The following PDE3A variants were observed in gnomAD, a reference collection of about 807,000 sequenced individuals.
The protein encoded by PDE3A is cGMP-inhibited 3',5'-cyclic phosphodiesterase 3A.
Under a neutral mutation model 98.3 loss-of-function variants are expected in PDE3A, and 43 were observed. That is an observed-to-expected ratio of 0.44 (90% CI 0.34 to 0.56). PDE3A has a LOEUF of 0.56. Among genes scored for constraint, PDE3A ranks in the 20% least tolerant of loss-of-function variants. The pLI, the probability that PDE3A is intolerant of heterozygous loss-of-function variation, is 0.01. For missense variants in PDE3A, 1,427 were observed against 1,440.7 expected (o/e 0.99, Z 0.15); for synonymous variants, 663 against 567.9 (o/e 1.17, Z -2.38).
In PDE3A at chr12:20,487,857, C is replaced by T. The variant is rs150619970; in HGVS notation, c.961-68803C>T. On this transcript the variant is annotated intron_variant, in intron 1 of 15. Transcript: ENST00000359062. ...AGAAATGCATGAGCTAGTCAGGGAACCTACTAATTTGTCATGTTTTTTCTT... is the reference window on the plus strand; with the variant it reads ...AGAAATGCATGAGCTAGTCAGGGAATCTACTAATTTGTCATGTTTTTTCTT... Among the ~76,000 whole-genome samples the T allele has an allele frequency of 2.3e-4, 35 of 151,984 alleles. 1 individual carries two copies. Among genetic ancestry groups the T allele is most frequent in the Admixed American group, 2.0e-3 (30 of 15,262 alleles).
At chr12:20,647,162 A>G (rs1944794292) in intron 12 of PDE3A, among the ~76,000 whole-genome samples, 1 of 152,300 alleles carries the variant, frequency 6.6e-6, no homozygotes, top group African/African-American at 2.4e-5. Flanking sequence ...ATCCATGGGA[A>G]TCATTTCTCA....
At chr12:20,603,475 A>C (rs1288697861) in intron 2 of PDE3A, among the ~76,000 whole-genome samples, 3 of 152,222 alleles carry the variant, frequency 2.0e-5, no homozygotes, top group African/African-American at 7.2e-5. Flanking sequence ...AGTATTTTGC[A>C]GTAGGGAGTA....
At chr12:20,601,603 G>A (rs1213608914) in intron 2 of PDE3A, among the ~76,000 whole-genome samples, 1 of 152,100 alleles carries the variant, frequency 6.6e-6, no homozygotes, top group Non-Finnish European at 1.5e-5. Flanking sequence ...TTTCTAATAT[G>A]TCTTATAAAA....
intron 1 of PDE3A, among the ~76,000 whole-genome samples, chr12:20,498,233 T>G (rs1355029636): frequency 2.0e-5 from 3 of 152,236 alleles, no homozygotes; most frequent in African/African-American, 7.2e-5. Context: ...TCTCATAGAT[T>G]GGTGGGCATT....
chr12:20,503,313 A>G (rs1403148143), intron 1 of PDE3A, among the ~76,000 whole-genome samples: 2 of 152,048 alleles, frequency 1.3e-5, no homozygotes, highest in African/African-American at 2.4e-5. Flanking sequence ...ATACTCATCA[A>G]TCTAGTGTTT....
chr12:20,615,594 G>T (rs1943984552), intron 3 of PDE3A, among the ~76,000 whole-genome samples: 1 of 152,074 alleles, frequency 6.6e-6, no homozygotes, highest in Admixed American at 6.6e-5. Context: ...TAACTAATAT[G>T]TGTGTATAGG....
chr12:20,488,552 G>T (rs1031552572), intron 1 of PDE3A, among the ~76,000 whole-genome samples: 6 of 152,002 alleles, frequency 3.9e-5, no homozygotes, highest in African/African-American at 1.2e-4. Context: ...ATTCGCAGCT[G>T]GTGCAATGGC....
intron 12 of PDE3A, among the ~76,000 whole-genome samples, chr12:20,648,190 G>A (rs1193124937): frequency 6.6e-6 from 1 of 151,432 alleles, no homozygotes; most frequent in Non-Finnish European, 1.5e-5. Context: ...TTTAATAGCT[G>A]TATGTGTTTA....
chr12:20,595,254 G>A (rs776594253), intron 2 of PDE3A, among the ~76,000 whole-genome samples: 1 of 151,974 alleles, frequency 6.6e-6, no homozygotes, highest in Non-Finnish European at 1.5e-5. Flanking sequence ...AATGGCTGCT[G>A]GCAGCAACAA....
At chr12:20,536,244 C>G (rs186284699) in intron 1 of PDE3A, among the ~76,000 whole-genome samples, 137 of 152,180 alleles carry the variant, frequency 9.0e-4, no homozygotes, top group Non-Finnish European at 7.7e-4. Context: ...ATTCCCTACT[C>G]TATTCCTCAA....
chr12:20,435,167 C>T (rs904816156), intron 1 of PDE3A, among the ~76,000 whole-genome samples: 7 of 152,176 alleles, frequency 4.6e-5, no homozygotes, highest in African/African-American at 1.7e-4. Context: ...ATTTCTCACT[C>T]TGTCATAGGG....
intron 1 of PDE3A, among the ~76,000 whole-genome samples, chr12:20,454,706 C>G (rs1454843194): frequency 6.6e-6 from 1 of 152,062 alleles, no homozygotes; most frequent in Non-Finnish European, 1.5e-5. Flanking sequence ...AGTTCCCACT[C>G]ATAAGTGAGA....
chr12:20,508,836 G>A (rs1467078451), intron 1 of PDE3A, among the ~76,000 whole-genome samples: 2 of 150,140 alleles, frequency 1.3e-5, no homozygotes, highest in Admixed American at 6.6e-5. Context: ...CTGGGTTTCT[G>A]GGTTTTTGAT....
At chr12:20,562,022 A>G (rs1391283968) in intron 2 of PDE3A, among the ~76,000 whole-genome samples, 2 of 152,150 alleles carry the variant, frequency 1.3e-5, no homozygotes, top group South Asian at 2.1e-4. Flanking sequence ...CAAATGTAGG[A>G]AAGATGCTAA....
rs1190991880 is a variant in PDE3A at position 20,621,323 on chromosome 12, G to A, written c.1452G>A (p.Met484Ile). The change falls in exon 5 of 16, where the codon ATG (methionine) becomes ATA (isoleucine). Residue 484 changes from methionine (M) to isoleucine (I), a missense_variant. Met to Ile is a conservative substitution (Grantham distance 10). Transcript: ENST00000359062. ...CTGATTCTTGGAATAATCCAGTGATGATGACCCTCACCAAAAGCAGATCCT... is the reference window on the plus strand; with the variant it reads ...CTGATTCTTGGAATAATCCAGTGATAATGACCCTCACCAAAAGCAGATCCT... ...SSPDSWNNPV[M>I]MTLTKSRSFT... is the part of the protein sequence containing the mutation. 1.9e-6 allele frequency: 3 copies of A among 1,605,146 alleles called. No homozygotes were observed. The highest frequency in any genetic ancestry group is 8.5e-7 in the Non-Finnish European group (1 of 1,172,080).
At chr12:20,425,170 G>A (rs915904888) in intron 1 of PDE3A, among the ~76,000 whole-genome samples, 13 of 152,116 alleles carry the variant, frequency 8.5e-5, no homozygotes, top group East Asian at 5.8e-4. Flanking sequence ...GATTGGCCTC[G>A]GTGACCAATA....
chr12:20,644,538 A>G (rs925219779), intron 10 of PDE3A, among the ~76,000 whole-genome samples: 1 of 152,116 alleles, frequency 6.6e-6, no homozygotes, highest in African/African-American at 2.4e-5. Flanking sequence ...GCAGAGGTAA[A>G]AGCACACCTG....
At chr12:20,384,459 T>C (rs1437214980) in intron 1 of PDE3A, among the ~76,000 whole-genome samples, 1 of 152,010 alleles carries the variant, frequency 6.6e-6, no homozygotes, top group African/African-American at 2.4e-5. Context: ...TTTGTGTCAT[T>C]CACATGCTCT....
intron 1 of PDE3A, among the ~76,000 whole-genome samples, chr12:20,535,910 A>G (rs1374759916): frequency 6.6e-6 from 1 of 152,182 alleles, no homozygotes; most frequent in African/African-American, 2.4e-5. Flanking sequence ...ACAGAAAATA[A>G]AGGAAAATGA....
Sources: gnomAD v4.1 joint callset for allele counts (sites outside exome capture counted in the v4.1 genomes callset) on GRCh38, gnomAD v4.1.1 for gene constraint, MANE v1.5 for transcripts, NCBI Gene and HGNC (gene_info 2026-07-23, HGNC 2026-07-21) for gene names.